UNC13B: variants seen among roughly 807,000 people sequenced by gnomAD.
UNC13B encodes unc-13 homolog B, also known as protein unc-13 homolog B.
In UNC13B, 144 loss-of-function variants were observed where a neutral mutation model predicts 211.0. The ratio of observed to expected loss-of-function variants is 0.68; its 90% confidence interval spans 0.60 to 0.78. The LOEUF is 0.78. Ranked by LOEUF, UNC13B falls within the 30% of genes least tolerant of loss-of-function variation. The pLI, the probability that UNC13B is intolerant of heterozygous loss-of-function variation, is 0.00. For synonymous variants in UNC13B, 709 were observed against 725.8 expected (o/e 0.98, Z 0.37); for missense variants, 1,777 against 2,002.0 (o/e 0.89, Z 2.14).
Position 35,380,521 on chromosome 9 carries a change from T to A in UNC13B, c.10257T>A (p.Asp3419Glu). Residue 3419 changes from aspartate (D) to glutamate (E), a missense_variant, in exon 18 of 40, where the codon GAT (aspartate) becomes GAA (glutamate). Coordinates refer to ENST00000635942, the MANE Select transcript of UNC13B (RefSeq NM_001371189.2). Reference protein sequence around the residue: ...DRIKVRVWDEDDDIKSRVKQR... With the variant: ...DRIKVRVWDEEDDIKSRVKQR... ...TTAAGGTGCGTGTATGGGATGAGGATGATGACATCAAGTCAAGAGTAAAGC... is the reference window on the plus strand; with the variant it reads ...TTAAGGTGCGTGTATGGGATGAGGAAGATGACATCAAGTCAAGAGTAAAGC... 1 of 1,614,192 alleles carries A rather than the reference T, an allele frequency of 6.2e-7. No homozygotes were observed. Among genetic ancestry groups the A allele is most frequent in the Non-Finnish European group, 8.5e-7 (1 of 1,180,026 alleles).
At position 35,213,359 on chromosome 9, in the gene UNC13B, G is replaced by A. The variant is rs564377230; in HGVS notation, c.23-14656G>A. On this transcript the variant is annotated intron_variant, in intron 1 of 39. Coordinates refer to ENST00000635942, the MANE Select transcript of UNC13B (RefSeq NM_001371189.2). ...TCTGGTATCAGGACACAGTGAGAGCGCAGCCATCTGCAAGCCAGGAAGTAT... is the reference window on the plus strand; with the variant it reads ...TCTGGTATCAGGACACAGTGAGAGCACAGCCATCTGCAAGCCAGGAAGTAT... 2.7e-5 allele frequency among the ~76,000 whole-genome samples: 4 copies of A among 147,818 alleles called. No homozygotes were observed. The South Asian group carries it at 6.5e-4, about 24-fold the overall frequency.
At chr9:35,374,600 T>C (rs1834275448) in intron 13 of UNC13B, among the ~76,000 whole-genome samples, 1 of 152,230 alleles carries the variant, frequency 6.6e-6, no homozygotes, top group African/African-American at 2.4e-5. Context: ...TTCAATGCCC[T>C]TTTCACTTGC....
intron 11 of UNC13B, chr9:35,352,455 G>C (rs1393127630): frequency 1.6e-6 from 2 of 1,231,968 alleles, no homozygotes; most frequent in African/African-American, 1.6e-5. Flanking sequence ...TGCCCACAGG[G>C]TAATAAGAAT....
At chr9:35,338,267 G>A (rs1389202979) in intron 11 of UNC13B, among the ~76,000 whole-genome samples, 1 of 152,186 alleles carries the variant, frequency 6.6e-6, no homozygotes, top group Non-Finnish European at 1.5e-5. Flanking sequence ...AGCTCCTTAT[G>A]TTCAAGTTTC....
intron 14 of UNC13B, among the ~76,000 whole-genome samples, chr9:35,375,810 G>A (rs1021982083): frequency 2.0e-5 from 3 of 152,112 alleles, no homozygotes; most frequent in Non-Finnish European, 4.4e-5. Context: ...GTGAAACCCT[G>A]TCTCTACTAA....
At chr9:35,336,168 T>G (rs890630848) in intron 11 of UNC13B, among the ~76,000 whole-genome samples, 1 of 152,196 alleles carries the variant, frequency 6.6e-6, no homozygotes, top group African/African-American at 2.4e-5. Flanking sequence ...CAGTCCTCTT[T>G]CATGAGTTCC....
At chr9:35,206,207 T>A (rs889609781) in intron 1 of UNC13B, among the ~76,000 whole-genome samples, 1 of 151,848 alleles carries the variant, frequency 6.6e-6, no homozygotes, top group African/African-American at 2.4e-5. Context: ...AAATAAAAAT[T>A]AAAAAAAATT....
chr9:35,321,017 TA>T (rs1830710705), intron 11 of UNC13B, among the ~76,000 whole-genome samples: 1 of 152,162 alleles, frequency 6.6e-6, no homozygotes, highest in Admixed American at 6.6e-5. Context: ...ACATTAGCTA[TA>T]TTTTCTTATA....
chr9:35,386,019 A>G (rs559408401), intron 23 of UNC13B, 146 bp from the exon 24 acceptor site: 2 of 1,447,552 alleles, frequency 1.4e-6, no homozygotes, highest in Admixed American at 2.2e-5. Context: ...TTCCCTGTCA[A>G]CTATCCTGGC....
intron 11 of UNC13B, 65 bp from the exon 12 acceptor site, chr9:35,366,882 G>T: frequency 7.2e-7 from 1 of 1,389,578 alleles, no homozygotes; most frequent in Middle Eastern, 1.8e-4. Context: ...ACTGCTCGCT[G>T]CTCAGATTAC....
chr9:35,175,124 T>A (rs1458837864), intron 1 of UNC13B, among the ~76,000 whole-genome samples: 1 of 152,160 alleles, frequency 6.6e-6, no homozygotes, highest in Non-Finnish European at 1.5e-5. Flanking sequence ...AGGAAGAAAA[T>A]ACAAAGAGAG....
chr9:35,393,574 C>CTTTTT (rs749007486), intron 26 of UNC13B, among the ~76,000 whole-genome samples: 5 of 118,862 alleles, frequency 4.2e-5, no homozygotes, highest in Non-Finnish European at 6.9e-5. Context: ...GACTCTCTCT[C>CTTTTT]TTTTTTTTTT....
rs17849220 is a variant in UNC13B, at chr9:35,396,479, A to G, written c.11312A>G (p.His3771Arg). 79 of 1,614,012 alleles carry G rather than the reference A, an allele frequency of 4.9e-5. 1 individual carries two copies. The East Asian group carries it at 1.8e-3, about 36-fold the overall frequency. ...AQDMKYALEE[H>R]EKDHLCKSAD... is the part of the protein sequence containing the mutation. ...CAACCTTTCTCCCTACCACTAGAGC[A>G]TGAGAAAGACCACCTGTGTAAAAGT... The change falls in exon 27 of 40, where the codon CAT becomes CGT. Residue 3771 changes from histidine to arginine, a missense_variant. His to Arg is a conservative substitution (Grantham distance 29). Coordinates refer to ENST00000635942, the MANE Select transcript of UNC13B (RefSeq NM_001371189.2).
At chr9:35,382,644 C>A in intron 21 of UNC13B, 137 bp downstream of exon 21, 1 of 998,120 alleles carries the variant, frequency 1.0e-6, no homozygotes, top group Non-Finnish European at 1.4e-6. Flanking sequence ...CTCACTGCAA[C>A]TTCTACCTCC....
chr9:35,204,865 G>A (rs1008122602), intron 1 of UNC13B, among the ~76,000 whole-genome samples: 2 of 152,162 alleles, frequency 1.3e-5, no homozygotes, highest in African/African-American at 2.4e-5. Flanking sequence ...TGTTGGGAAG[G>A]CATGATTATA....
At chr9:35,189,543 AAAAATATTTAAGTGCTT>A (rs1385320680) in intron 1 of UNC13B, among the ~76,000 whole-genome samples, 2 of 152,230 alleles carry the variant, frequency 1.3e-5, no homozygotes, top group Non-Finnish European at 2.9e-5. Context: ...ATGTGAACTA[AAAAATATTTAAGTGCTT>A]ATTTTTCTTT....
At chr9:35,316,766 AT>A (rs961355076) in intron 11 of UNC13B, among the ~76,000 whole-genome samples, 5 of 152,268 alleles carry the variant, frequency 3.3e-5, no homozygotes, top group Admixed American at 6.5e-5. Flanking sequence ...GTTGGAACCA[AT>A]TGCTCTTCTT....
Position 35,381,220 on chromosome 9 carries a change from G to A in UNC13B, c.10491+5G>A. 2 of 1,611,374 alleles carry A rather than the reference G, an allele frequency of 1.2e-6. No homozygotes were observed. The highest frequency in any genetic ancestry group is 1.7e-6 in the Non-Finnish European group (2 of 1,178,492). On this transcript the variant is annotated splice_donor_5th_base_variant and intron_variant, in intron 19 of 39. Coordinates refer to ENST00000635942, the MANE Select transcript of UNC13B (RefSeq NM_001371189.2). ...CAGTATACATGTCTCCATGAGGTGA[G>A]CCAGCCCTTGGTAGGTGGGGGATCA...
Position 35,353,815 on chromosome 9 carries a change from T to TC in UNC13B, c.9415-13131dup, listed in dbSNP as rs1405887169. 6 of 1,229,926 alleles carry TC rather than the reference T, an allele frequency of 4.9e-6. No homozygotes were observed. The African/African-American group carries it at 9.3e-5, about 19-fold the overall frequency. The allele number at this position is 1,229,926 out of a possible 1,614,324, so 76.2% of individuals were successfully genotyped here. On this transcript the variant is annotated intron_variant, in intron 11 of 39. Coordinates refer to ENST00000635942, the MANE Select transcript of UNC13B (RefSeq NM_001371189.2). ...CAGTAGAAGACATACACTCAGGTAT[T>TC]CTGAGTCACTATTTAACAGGGTCCC...
Sources: allele counts gnomAD v4.1 joint callset (sites outside exome capture counted in the v4.1 genomes callset), GRCh38; gene constraint gnomAD v4.1.1; transcripts MANE v1.5; gene names NCBI Gene and HGNC (gene_info 2026-07-23, HGNC 2026-07-21).